TRANK1: variants seen among roughly 807,000 people sequenced by gnomAD.
TRANK1 encodes tetratricopeptide repeat and ankyrin repeat containing 1.
TRANK1 carries 198 observed loss-of-function variants against 266.0 expected under a neutral mutation model. That is an observed-to-expected ratio of 0.74 (90% CI 0.66 to 0.84). The LOEUF (loss-of-function observed/expected upper bound fraction) is 0.84. TRANK1 is among the 40% of genes least tolerant of loss of function. TRANK1 has a pLI of 0.00. For missense variants in TRANK1, 3,326 were observed against 3,634.6 expected, an observed-to-expected ratio of 0.92 and a Z score of 2.18; for synonymous variants, 1,396 against 1,384.1, an observed-to-expected ratio of 1.01 and a Z score of -0.19.
At chr3:36,874,587 C>G (rs939947861) in intron 8 of TRANK1, among the ~76,000 whole-genome samples, 1 of 152,118 alleles carries the variant, frequency 6.6e-6, no homozygotes, top group Non-Finnish European at 1.5e-5. Context: ...AATCTGGTTA[C>G]TAAGCAACAG....
At chr3:36,937,990 C>T (rs2080446150) in intron 1 of TRANK1, among the ~76,000 whole-genome samples, 2 of 152,198 alleles carry the variant, frequency 1.3e-5, no homozygotes, top group Admixed American at 6.5e-5. Context: ...CACCTCCCAA[C>T]CCCAAGACCA....
chr3:36,942,645 G>A (rs533264028), intron 1 of TRANK1, among the ~76,000 whole-genome samples: 14 of 152,064 alleles, frequency 9.2e-5, no homozygotes, highest in Admixed American at 7.2e-4. Flanking sequence ...TTTGTAGATG[G>A]TACTGGCTTG....
chr3:36,937,014 T>C (rs916723937), intron 1 of TRANK1, among the ~76,000 whole-genome samples: 2 of 152,168 alleles, frequency 1.3e-5, no homozygotes, highest in African/African-American at 2.4e-5. Context: ...GGAGAATTGC[T>C]TGAGCCCGGG....
intron 15 of TRANK1, among the ~76,000 whole-genome samples, chr3:36,849,237 G>A (rs2078955480): frequency 6.6e-6 from 1 of 152,154 alleles, no homozygotes; most frequent in Non-Finnish European, 1.5e-5. Flanking sequence ...CCATGAGTAT[G>A]AAAGAAAGGA....
In TRANK1 at chr3:36,857,291, T is replaced by C; in HGVS notation, c.2431A>G (p.Asn811Asp). ...VPDDNRGKEG[N>D]DDQDDWSTQE... The stretch of plus-strand genomic sequence containing the variant: ...GTGCTCCAGTCATCCTGATCATCAT[T>C]GCCCTCCTTCCCCCTGTTATCATCA... Residue 811 changes from asparagine to aspartate, a missense_variant, in exon 13 of 24, where the codon AAT (asparagine) becomes GAT (aspartate). Asn to Asp is a conservative substitution (Grantham distance 23, BLOSUM62 1). Transcript: ENST00000645898. This position sits in a 1 kb window ranked among gnomAD's most constrained non-coding sequence, Gnocchi z 4.3. 2.5e-6 allele frequency: 4 copies of C among 1,610,146 alleles called. No individual in the cohort carries two copies. The highest frequency in any genetic ancestry group is 3.4e-6 in the Non-Finnish European group (4 of 1,178,010).
At chr3:36,928,461 G>C (rs950657011) in intron 1 of TRANK1, among the ~76,000 whole-genome samples, 2 of 152,136 alleles carry the variant, frequency 1.3e-5, no homozygotes, top group Non-Finnish European at 2.9e-5. Flanking sequence ...TACTTCAAAA[G>C]ATGCTTTTCA....
At chr3:36,912,953 T>C (rs2080072864) in intron 1 of TRANK1, among the ~76,000 whole-genome samples, 1 of 151,998 alleles carries the variant, frequency 6.6e-6, no homozygotes, top group Non-Finnish European at 1.5e-5. Context: ...CCAAAAGCAG[T>C]CAATGATCCA....
chr3:36,923,925 T>A (rs957393839), intron 1 of TRANK1, among the ~76,000 whole-genome samples: 11 of 152,176 alleles, frequency 7.2e-5, no homozygotes, highest in Non-Finnish European at 1.2e-4. Flanking sequence ...TGAACAGGGC[T>A]GGCTGCCTTG....
chr3:36,903,301 C>T, intron 2 of TRANK1, 26 bp from the exon 3 acceptor site: 2 of 1,531,864 alleles, frequency 1.3e-6, no homozygotes, highest in East Asian at 2.5e-5. Flanking sequence ...GGTGGTCTGT[C>T]ATGGTTCTGC....
At chr3:36,839,885 T>C (rs530968415) in intron 18 of TRANK1, among the ~76,000 whole-genome samples, 1 of 152,230 alleles carries the variant, frequency 6.6e-6, no homozygotes, top group East Asian at 1.9e-4. Context: ...TGAATGAATC[T>C]TCTGTGGTGG....
intron 18 of TRANK1, among the ~76,000 whole-genome samples, chr3:36,839,463 G>C (rs1158978712): frequency 6.6e-6 from 1 of 152,194 alleles, no homozygotes; most frequent in Non-Finnish European, 1.5e-5. Flanking sequence ...TGATAAGGTG[G>C]ACAGGATGAT....
chr3:36,857,970 G>A lies in TRANK1; in HGVS notation c.1752C>T (p.Pro584=). 1 of 1,600,682 alleles carries A rather than the reference G, an allele frequency of 6.2e-7. No homozygotes were observed. Among genetic ancestry groups the A allele is most frequent in the East Asian group, 2.2e-5 (1 of 44,878 alleles). Residue 584 remains proline (P), a synonymous_variant, in exon 13 of 24, where the codon CCC becomes CCT. Transcript: ENST00000645898. The surrounding 1 kb of genome is among the most constrained non-coding windows in gnomAD (Gnocchi z 4.3). ...TGTTCCCATTGCTGTCCTGGACATT[G>A]GGGTTGAGGTAGTCGAATTCAGTGG... is the stretch of plus-strand genomic sequence containing the variant. ...SNPTEFDYLN[P]NVQDSNGNTL... is the part of the protein sequence containing the mutation.
In TRANK1 at chr3:36,833,661, G is replaced by A; in HGVS notation, c.5922C>T (p.Cys1974=). The change falls in exon 22 of 24, where the codon TGC becomes TGT. Residue 1974 remains cysteine, a synonymous_variant. Transcript: ENST00000645898. Reference sequence around the variant, plus strand: ...CAGTGAGCCTGGCAGCCTCCAGGAGGCAGCCATGTTGCTTCATCAGCAGGG... The same window carrying A: ...CAGTGAGCCTGGCAGCCTCCAGGAGACAGCCATGTTGCTTCATCAGCAGGG... ...EAALLMKQHG[C]LLEAARLTAD... The A allele has an allele frequency of 6.2e-7, 1 of 1,613,964 alleles. No homozygotes were observed. The highest frequency in any genetic ancestry group is 8.5e-7 in the Non-Finnish European group (1 of 1,179,860).
In TRANK1 at chr3:36,872,212, C is replaced by T. The variant is rs757390439; in HGVS notation, c.1078+1914G>A. ...AGTCAGGAGTTCGAGATCAGCCTGG[C>T]CAACATGATGAAATCCAGTCTCTAC... On this transcript the variant is annotated intron_variant, in intron 9 of 23. Transcript: ENST00000645898. 2.1e-4 allele frequency among the ~76,000 whole-genome samples: 32 copies of T among 152,210 alleles called. 1 individual carries two copies. Among genetic ancestry groups the T allele is most frequent in the Non-Finnish European group, 4.4e-4 (30 of 68,004 alleles).
At chr3:36,840,560 G>T (rs559658985) in intron 18 of TRANK1, among the ~76,000 whole-genome samples, 1 of 152,322 alleles carries the variant, frequency 6.6e-6, no homozygotes, top group South Asian at 2.1e-4. Flanking sequence ...TCTAGGCTGA[G>T]ACTTGCTTTG....
chr3:36,844,806 C>A (rs1016658339), intron 17 of TRANK1, among the ~76,000 whole-genome samples: 1 of 152,016 alleles, frequency 6.6e-6, no homozygotes, highest in African/African-American at 2.4e-5. Flanking sequence ...TCAGTAATAA[C>A]CAGAAATAGC....
intron 9 of TRANK1, among the ~76,000 whole-genome samples, chr3:36,867,924 T>C (rs1452326065): frequency 1.3e-5 from 2 of 152,230 alleles, no homozygotes. Context: ...TGCATGGATT[T>C]TCTCTAAGTA....
chr3:36,905,593 T>C (rs1486457325), intron 2 of TRANK1, among the ~76,000 whole-genome samples: 1 of 152,130 alleles, frequency 6.6e-6, no homozygotes, highest in African/African-American at 2.4e-5. Context: ...CTGTGCTATT[T>C]TGTTATGGTA....
chr3:36,864,469 C>A lies in TRANK1; in HGVS notation c.1090G>T (p.Gly364Cys). 6.5e-7 allele frequency: 1 copy of A among 1,530,704 alleles called. No homozygotes were observed. The highest frequency in any genetic ancestry group is 8.7e-7 in the Non-Finnish European group (1 of 1,145,132). 94.8% of individuals were successfully genotyped at this position (1,530,704 alleles called of 1,614,324 possible). A position where few individuals can be genotyped will look rare whatever the true frequency, so the allele number is the denominator to read the frequency against. ...CSKDLSGFSN[G>C]DGPTSENDIF... ...TCGTTTTCACTAGTGGGTCCATCAC[C>A]ATTGCTGAATCCTACAAAACAGCAC... Residue 364 changes from glycine to cysteine, a missense_variant, in exon 10 of 24, where the codon GGT (glycine) becomes TGT (cysteine). Gly to Cys is a radical substitution (Grantham distance 159, BLOSUM62 -3). Coordinates refer to ENST00000645898, the MANE Select transcript of TRANK1 (RefSeq NM_001329998.2).
Sources: gnomAD v4.1 joint callset for allele counts (sites outside exome capture counted in the v4.1 genomes callset) on GRCh38, gnomAD v4.1.1 for gene constraint, Gnocchi (gnomAD v3.1) non-coding constraint, MANE v1.5 for transcripts, NCBI Gene and HGNC (gene_info 2026-07-23, HGNC 2026-07-21) for gene names.